Variants in THSD7B observed in about 807,000 individuals in gnomAD.
THSD7B encodes the protein thrombospondin type 1 domain containing 7B.
THSD7B carries 138 observed loss-of-function variants against 213.6 expected under a neutral mutation model. The observed-to-expected ratio is 0.65, with a 90% CI of 0.56 to 0.74. THSD7B has a LOEUF of 0.74. Among genes scored for constraint, THSD7B ranks in the 30% least tolerant of loss-of-function variants. The probability of loss-of-function intolerance (pLI) is 0.00; values close to 1 mark genes in which losing one functional copy is unlikely to be tolerated. For missense variants in THSD7B, 1,931 were observed against 1,991.5 expected (o/e 0.97, Z 0.58); for synonymous variants, 742 against 687.0 (o/e 1.08, Z -1.25).
chr2:137,554,699 G>T (rs997740038), intron 15 of THSD7B, among the ~76,000 whole-genome samples: 9 of 152,132 alleles, frequency 5.9e-5, no homozygotes, highest in Non-Finnish European at 1.3e-4. Context: ...CAGACAGTGG[G>T]TGCAGTACAG....
intron 15 of THSD7B, among the ~76,000 whole-genome samples, chr2:137,495,923 C>T (rs1486630804): frequency 6.6e-6 from 1 of 152,030 alleles, no homozygotes; most frequent in Non-Finnish European, 1.5e-5. Flanking sequence ...ATTTTATTTT[C>T]TACAAATAAT....
intron 2 of THSD7B, among the ~76,000 whole-genome samples, chr2:136,999,829 T>C (rs1300517164): frequency 6.6e-6 from 1 of 152,152 alleles, no homozygotes; most frequent in African/African-American, 2.4e-5. Flanking sequence ...ATTTTTCAAG[T>C]TTTGCTTCAA....
chr2:137,485,645 G>C (rs1023817378), intron 15 of THSD7B, among the ~76,000 whole-genome samples: 4 of 152,088 alleles, frequency 2.6e-5, no homozygotes, highest in African/African-American at 9.7e-5. Flanking sequence ...GAAATACAGA[G>C]AATGCCACAA....
chr2:136,812,755 G>A (rs1222412038), intron 1 of THSD7B, among the ~76,000 whole-genome samples: 1 of 152,126 alleles, frequency 6.6e-6, no homozygotes, highest in Non-Finnish European at 1.5e-5. Context: ...GCCTCACTTT[G>A]TTGTCACCAC....
intron 1 of THSD7B, among the ~76,000 whole-genome samples, chr2:136,804,403 A>AACACACACACACACACAC (rs3030361): frequency 6.8e-6 from 1 of 148,096 alleles, no homozygotes; most frequent in African/African-American, 2.5e-5. Flanking sequence ...ACACACACAT[A>AACACACACACACACACAC]ACACACACAC....
chr2:137,112,310 T>C (rs2104935710), intron 4 of THSD7B, among the ~76,000 whole-genome samples: 1 of 152,200 alleles, frequency 6.6e-6, no homozygotes, highest in Middle Eastern at 3.4e-3. Context: ...AAGTAGTTTA[T>C]TGGTGTGGTT....
At chr2:137,413,633 G>T (rs1402063503) in intron 14 of THSD7B, among the ~76,000 whole-genome samples, 1 of 152,110 alleles carries the variant, frequency 6.6e-6, no homozygotes, top group Non-Finnish European at 1.5e-5. Context: ...AGGTGTTTTG[G>T]ATAAAACGAA....
intron 2 of THSD7B, among the ~76,000 whole-genome samples, chr2:136,918,142 T>G (rs867513214): frequency 1.3e-5 from 2 of 152,172 alleles, no homozygotes; most frequent in Non-Finnish European, 2.9e-5. Context: ...TTACAGAGAT[T>G]ATTATTATAC....
intron 1 of THSD7B, among the ~76,000 whole-genome samples, chr2:136,826,612 C>G (rs553760476): frequency 6.6e-6 from 1 of 152,172 alleles, no homozygotes; most frequent in Non-Finnish European, 1.5e-5. Flanking sequence ...AGCCTTTTGT[C>G]CTAGCAAGAG....
intron 1 of THSD7B, among the ~76,000 whole-genome samples, chr2:136,855,080 C>T (rs1271539220): frequency 6.6e-5 from 10 of 152,196 alleles, no homozygotes; most frequent in Non-Finnish European, 1.5e-5. Context: ...CTGCCTGTTT[C>T]CAGTCATGGA....
At chr2:137,171,075 G>C in intron 7 of THSD7B, 137 bp downstream of exon 7, 1 of 986,180 alleles carries the variant, frequency 1.0e-6, no homozygotes, top group Non-Finnish European at 1.5e-6. Context: ...TGTTTACATC[G>C]AGTGACACAT....
intron 15 of THSD7B, among the ~76,000 whole-genome samples, chr2:137,507,538 T>G (rs547770033): frequency 6.6e-6 from 1 of 152,256 alleles, no homozygotes; most frequent in East Asian, 1.9e-4. Context: ...AATCCCCGCT[T>G]CCTCCTTTGT....
chr2:137,608,489 C>T (rs1682229134), intron 17 of THSD7B, among the ~76,000 whole-genome samples: 1 of 151,994 alleles, frequency 6.6e-6, no homozygotes, highest in African/African-American at 2.4e-5. Flanking sequence ...TAGATATCTA[C>T]TATAAACTTG....
chr2:137,379,189 G>A (rs1366242174), intron 12 of THSD7B, among the ~76,000 whole-genome samples: 1 of 152,120 alleles, frequency 6.6e-6, no homozygotes, highest in Non-Finnish European at 1.5e-5. Flanking sequence ...TATATCACTA[G>A]CTTACTAAGC....
chr2:137,197,148 G>C (rs189784543), intron 7 of THSD7B, among the ~76,000 whole-genome samples: 1 of 152,306 alleles, frequency 6.6e-6, no homozygotes, highest in Admixed American at 6.5e-5. Context: ...GACTTTTTCA[G>C]ATTGAAAGGG....
chr2:136,952,168 G>GT (rs57165277), intron 2 of THSD7B, among the ~76,000 whole-genome samples: 12,521 of 151,862 alleles, frequency 0.082, 899 homozygotes, highest in African/African-American at 0.19. Context: ...CACCCAGCCA[G>GT]TTTTTTTATT....
chr2:137,145,034 C>G lies in THSD7B; in HGVS notation c.1370-15179C>G, dbSNP rs551952370. On this transcript the variant is annotated intron_variant, in intron 5 of 27. Coordinates refer to ENST00000409968, the MANE Select transcript of THSD7B (RefSeq NM_001316349.2). ...TTCATTGTAAGATTCAAGGAGAGAG[C>G]ACAGCTCTGAGGAGAAAAGTAGGCT... Among the ~76,000 whole-genome samples, 4 of 152,066 alleles carry G rather than the reference C, an allele frequency of 2.6e-5. No individual in the cohort carries two copies. In the South Asian group the frequency reaches 8.3e-4, roughly 31 times the overall value.
chr2:137,258,865 G>C (rs988634590), intron 10 of THSD7B, among the ~76,000 whole-genome samples: 1 of 151,358 alleles, frequency 6.6e-6, no homozygotes, highest in Non-Finnish European at 1.5e-5. Context: ...GCCCTGAAGC[G>C]TGTTGTTCCC....
intron 1 of THSD7B, among the ~76,000 whole-genome samples, chr2:136,790,137 G>A (rs1681941562): frequency 6.6e-6 from 1 of 151,494 alleles, no homozygotes; most frequent in African/African-American, 2.4e-5. Flanking sequence ...GTGTGTGTGT[G>A]TGTGTTTGTG....
Sources: gnomAD v4.1 joint callset for allele counts (sites outside exome capture counted in the v4.1 genomes callset) on GRCh38, gnomAD v4.1.1 for gene constraint, MANE v1.5 for transcripts, NCBI Gene and HGNC (gene_info 2026-07-23, HGNC 2026-07-21) for gene names.